Variants in MYRFL observed in about 807,000 individuals in gnomAD.
MYRFL encodes the protein myelin regulatory factor-like protein.
A neutral mutation model predicts 109.4 loss-of-function variants in MYRFL; 88 were observed. That is an observed-to-expected ratio of 0.80 (90% CI 0.68 to 0.96). MYRFL has a LOEUF of 0.96. Ranked by LOEUF, MYRFL falls within the 40% of genes least tolerant of loss-of-function variation. MYRFL has a pLI of 0.00. For synonymous variants in MYRFL, 324 were observed against 320.9 expected, an observed-to-expected ratio of 1.01 and a Z score of -0.10; for missense variants, 957 against 954.9, an observed-to-expected ratio of 1.00 and a Z score of -0.03.
intron 11 of MYRFL, among the ~76,000 whole-genome samples, chr12:69,909,382 T>A (rs10784808): frequency 0.35 from 53,144 of 151,678 alleles, 9,955 homozygotes; most frequent in African/African-American, 0.48. Context: ...AATAACAAAA[T>A]ATGTTTTTGG....
At chr12:69,838,564 G>A (rs1269383122) in intron 1 of MYRFL, among the ~76,000 whole-genome samples, 2 of 152,172 alleles carry the variant, frequency 1.3e-5, no homozygotes, top group African/African-American at 4.8e-5. Context: ...TAAAGTTAAT[G>A]TTGCTTAACA....
chr12:69,927,070 G>C lies in MYRFL; in HGVS notation c.1766+336G>C, dbSNP rs187218346. Among the ~76,000 whole-genome samples, 64 of 149,498 alleles carry C rather than the reference G, an allele frequency of 4.3e-4. No individual in the cohort carries two copies. The East Asian group carries it at 0.013, about 30-fold the overall frequency. The stretch of plus-strand genomic sequence containing the variant: ...AGGGATTCTCCTGCCTCAACCTCCC[G>C]AGTAGCTGGGATTACAGGTGCCCGC... On this transcript the variant is annotated intron_variant, in intron 14 of 24. Transcript: ENST00000552032.
intron 14 of MYRFL, among the ~76,000 whole-genome samples, 199 bp downstream of exon 14, chr12:69,926,933 G>GTTTTTTTTT (rs1491453128): frequency 3.2e-5 from 1 of 31,428 alleles, no homozygotes; most frequent in Non-Finnish European, 5.0e-5. Flanking sequence ...TCTGTTGCTG[G>GTTTTTTTTT]TTTTTTTTTT....
At chr12:69,919,392 G>A in intron 13 of MYRFL, among the ~76,000 whole-genome samples, 1 of 152,112 alleles carries the variant, frequency 6.6e-6, no homozygotes, top group East Asian at 1.9e-4. Context: ...GGCAAACAAA[G>A]GGCAACAATA....
intron 9 of MYRFL, among the ~76,000 whole-genome samples, chr12:69,896,147 G>A (rs1043864670): frequency 8.5e-5 from 13 of 152,132 alleles, no homozygotes; most frequent in Non-Finnish European, 1.6e-4. Flanking sequence ...TTTACTAGGC[G>A]GGTGACCTTG....
intron 19 of MYRFL, among the ~76,000 whole-genome samples, chr12:69,937,480 C>G (rs1044525150): frequency 3.9e-5 from 6 of 152,150 alleles, no homozygotes; most frequent in Admixed American, 1.3e-4. Flanking sequence ...TCTTGGTCAT[C>G]ATGTCATTTA....
intron 2 of MYRFL, among the ~76,000 whole-genome samples, chr12:69,858,461 C>T (rs1038057777): frequency 1.3e-5 from 2 of 151,966 alleles, no homozygotes; most frequent in African/African-American, 2.4e-5. Flanking sequence ...CATTAATCAG[C>T]AAAATAATCT....
rs529777580 is a variant in MYRFL at position 69,926,742 on chromosome 12, C to T, written c.1766+8C>T. 2 of 1,434,236 alleles carry T rather than the reference C, an allele frequency of 1.4e-6. No individual in the cohort carries two copies. The highest frequency in any genetic ancestry group is 1.8e-6 in the Non-Finnish European group (2 of 1,092,256). The allele number at this position is 1,434,236 out of a possible 1,614,324, so 88.8% of individuals were successfully genotyped here. On this transcript the variant is annotated splice_region_variant and intron_variant, in intron 14 of 24. Coordinates refer to ENST00000552032, the MANE Select transcript of MYRFL (RefSeq NM_182530.3). ...TGAAGCAAGCACAATCAGGTACGTG[C>T]AGCCAGGATTGCCATAGAAATTTGG...
chr12:69,878,304 C>T (rs1021832739), intron 2 of MYRFL, among the ~76,000 whole-genome samples: 3 of 151,186 alleles, frequency 2.0e-5, no homozygotes, highest in Admixed American at 6.6e-5. Flanking sequence ...GTTATTTTCT[C>T]CTCAGCAATT....
intron 13 of MYRFL, among the ~76,000 whole-genome samples, chr12:69,924,974 T>C (rs1269778051): frequency 2.0e-5 from 3 of 152,154 alleles, no homozygotes; most frequent in African/African-American, 7.2e-5. Flanking sequence ...TAAATGCTGG[T>C]GAGATATGCA....
chr12:69,845,481 A>T (rs1883472758), intron 1 of MYRFL, among the ~76,000 whole-genome samples: 1 of 152,208 alleles, frequency 6.6e-6, no homozygotes, highest in East Asian at 1.9e-4. Flanking sequence ...TCCAGGAGGC[A>T]TGTGGGATAT....
chr12:69,938,800 GA>G (rs1955546374), intron 19 of MYRFL, among the ~76,000 whole-genome samples: 1 of 152,152 alleles, frequency 6.6e-6, no homozygotes, highest in South Asian at 2.1e-4. Context: ...TCTCACTAGG[GA>G]GTGCCAGACA....
At chr12:69,838,109 C>T (rs543782594) in intron 1 of MYRFL, among the ~76,000 whole-genome samples, 25 of 152,246 alleles carry the variant, frequency 1.6e-4, no homozygotes, top group African/African-American at 5.3e-4. Flanking sequence ...CTGCCTGACT[C>T]GGGAGGACAG....
intron 19 of MYRFL, among the ~76,000 whole-genome samples, chr12:69,945,939 A>T (rs1814263381): frequency 8.5e-6 from 1 of 118,256 alleles, no homozygotes; most frequent in African/African-American, 3.2e-5. Flanking sequence ...GTGAGCCGAG[A>T]TCCCGCCACT....
intron 1 of MYRFL, among the ~76,000 whole-genome samples, chr12:69,832,286 A>G (rs1882677173): frequency 6.6e-6 from 1 of 152,102 alleles, no homozygotes; most frequent in East Asian, 1.9e-4. Flanking sequence ...AGAATGACCT[A>G]ATTTGTGTGA....
intron 1 of MYRFL, among the ~76,000 whole-genome samples, chr12:69,836,785 C>T (rs1458070772): frequency 6.6e-6 from 1 of 152,160 alleles, no homozygotes; most frequent in East Asian, 1.9e-4. Flanking sequence ...ATAACCTTTA[C>T]TGGTGGTGAG....
intron 4 of MYRFL, 50 bp from the exon 5 acceptor site, chr12:69,880,151 A>G (rs750946125): frequency 2.8e-4 from 196 of 695,368 alleles, no homozygotes; most frequent in Non-Finnish European, 4.4e-4. Flanking sequence ...TTAACATAAC[A>G]TGGAACACAA....
intron 2 of MYRFL, among the ~76,000 whole-genome samples, chr12:69,868,167 C>A (rs1486942107): frequency 1.3e-5 from 2 of 148,948 alleles, no homozygotes; most frequent in African/African-American, 5.0e-5. Context: ...AGTGCAGTGG[C>A]ACAATCTTGG....
At chr12:69,891,630 C>T (rs3050160) in intron 7 of MYRFL, among the ~76,000 whole-genome samples, 1,294 of 16,084 alleles carry the variant, frequency 0.08, 17 homozygotes, top group African/African-American at 0.083. Context: ...TTTCCTCCTT[C>T]CTTTCTTTTT....
Sources: gnomAD v4.1 joint callset for allele counts (sites outside exome capture counted in the v4.1 genomes callset) on GRCh38, gnomAD v4.1.1 for gene constraint, MANE v1.5 for transcripts, NCBI Gene and HGNC (gene_info 2026-07-23, HGNC 2026-07-21) for gene names.